Variants in MAP4 observed in about 807,000 individuals in gnomAD.
MAP4 encodes microtubule associated protein 4.
MAP4 carries 76 observed loss-of-function variants against 170.2 expected under a neutral mutation model. The observed-to-expected ratio is 0.45, with a 90% confidence interval of 0.37 to 0.54. The LOEUF is 0.54. Ranked by LOEUF, MAP4 falls within the 20% of genes least tolerant of loss-of-function variation. The pLI is 0.00. For missense variants in MAP4, 2,506 were observed against 2,748.0 expected (o/e 0.91, Z 1.97); for synonymous variants, 909 against 994.5 (o/e 0.91, Z 1.62).
intron 3 of MAP4, chr3:47,974,277 T>C: frequency 3.0e-6 from 1 of 334,638 alleles, no homozygotes; most frequent in Non-Finnish European, 4.2e-6. Context: ...AATACAAAAA[T>C]TAGCTGGTGT....
At chr3:47,921,224 A>G (rs1489687163) in intron 5 of MAP4, among the ~76,000 whole-genome samples, 1 of 152,194 alleles carries the variant, frequency 6.6e-6, no homozygotes, top group Non-Finnish European at 1.5e-5. Flanking sequence ...GAGCCTTGTC[A>G]CACCCACAGC....
At chr3:47,866,405 A>T (rs2080216802) in intron 17 of MAP4, among the ~76,000 whole-genome samples, 1 of 151,790 alleles carries the variant, frequency 6.6e-6, no homozygotes, top group African/African-American at 2.4e-5. Context: ...CTAAAAAAGG[A>T]GGGGAAGAAA....
chr3:47,995,250 C>CTTTTTT (rs67017707), intron 2 of MAP4, among the ~76,000 whole-genome samples: 12 of 112,230 alleles, frequency 1.1e-4, no homozygotes, highest in African/African-American at 2.9e-4. Flanking sequence ...TTTTTCTTTT[C>CTTTTTT]TTTTTTTTTT....
At chr3:47,994,293 T>C (rs917303467) in intron 2 of MAP4, among the ~76,000 whole-genome samples, 9 of 152,176 alleles carry the variant, frequency 5.9e-5, no homozygotes, top group African/African-American at 1.9e-4. Flanking sequence ...TAATGCACGG[T>C]GGAGACATTT....
chr3:47,943,782 T>C (rs1020670131), intron 3 of MAP4, among the ~76,000 whole-genome samples: 1 of 152,100 alleles, frequency 6.6e-6, no homozygotes, highest in Admixed American at 6.6e-5. Flanking sequence ...AACTTTAAGA[T>C]CACATAGCAC....
chr3:47,928,115 G>A, intron 4 of MAP4, 113 bp downstream of exon 4: 1 of 1,284,250 alleles, frequency 7.8e-7, no homozygotes, highest in South Asian at 1.4e-5. Flanking sequence ...TGCTAAGGTT[G>A]TACTTTGTGA....
At chr3:47,879,589 G>A (rs373000936) in intron 10 of MAP4, among the ~76,000 whole-genome samples, 3 of 152,136 alleles carry the variant, frequency 2.0e-5, no homozygotes, top group Non-Finnish European at 4.4e-5. Flanking sequence ...AGCCTACTCA[G>A]ATTTTTCACT....
chr3:47,996,843 T>C (rs780280484), intron 2 of MAP4, among the ~76,000 whole-genome samples: 1 of 151,922 alleles, frequency 6.6e-6, no homozygotes, highest in Non-Finnish European at 1.5e-5. Context: ...CTATGATTAA[T>C]ATGTTAAAGT....
intron 2 of MAP4, among the ~76,000 whole-genome samples, chr3:47,991,205 T>C (rs559605499): frequency 2.0e-5 from 3 of 152,250 alleles, no homozygotes; most frequent in Non-Finnish European, 4.4e-5. Flanking sequence ...TCTCATTTTA[T>C]AAGTTGAAGA....
rs1443793597 is a variant in MAP4, at chr3:47,891,825, T to G, written c.5434+11125A>C. 3.9e-6 allele frequency: 6 copies of G among 1,536,204 alleles called. No homozygotes were observed. The Admixed American group carries it at 7.8e-5, about 20-fold the overall frequency. The stretch of plus-strand genomic sequence containing the variant: ...GACTCACACTTCAGCTGCTCAGAGT[T>G]ATCATTTACCACCCCAATCACTGGG... On this transcript the variant is annotated intron_variant, in intron 10 of 20. Coordinates refer to ENST00000683076, the MANE Select transcript of MAP4 (RefSeq NM_001385682.1).
chr3:47,910,469 G>A lies in MAP4; in HGVS notation c.3952C>T (p.Pro1318Ser). 6.5e-7 allele frequency: 1 copy of A among 1,536,062 alleles called. No homozygotes were observed. The highest frequency in any genetic ancestry group is 1.2e-5 in the South Asian group (1 of 84,048). The change falls in exon 9 of 21, where the codon CCT (proline) becomes TCT (serine). Residue 1318 changes from proline to serine, a missense_variant. Coordinates refer to ENST00000683076, the MANE Select transcript of MAP4 (RefSeq NM_001385682.1). ...TVKASTVTEP[P>S]AKVTDVSCQE... ...CAGCTCACATCTGTCACCTTGGCAG[G>A]TGGTTCAGTAACAGTAGAAGCCTTG...
rs2100035467 is a variant in MAP4, at chr3:47,910,564, C to T, written c.3857G>A (p.Arg1286Lys). Residue 1286 changes from arginine to lysine, a missense_variant, in exon 9 of 21, where the codon AGG becomes AAG. This residue lies in a region of MAP4 where 2,008 missense variants were observed against 2,206.0 expected (regional missense o/e 0.91). Transcript: ENST00000683076. ...PDTPTVEAVD[R>K]KGGNFQVNFV... is the part of the protein sequence containing the mutation. ...ATTAACCTGAAAATTTCCACCCTTC[C>T]TGTCAACTGCTTCCACTGTGGGTGT... 1 of 1,535,980 alleles carries T rather than the reference C, an allele frequency of 6.5e-7. No individual in the cohort carries two copies.
chr3:48,068,264 CAAAAAA>C (rs34691079), intron 1 of MAP4, among the ~76,000 whole-genome samples: 11 of 106,702 alleles, frequency 1.0e-4, no homozygotes, highest in East Asian at 2.7e-4. Context: ...GATTCTGTCT[CAAAAAA>C]AAAAAAAAAA....
In MAP4 at chr3:47,870,846, C is replaced by CG; in HGVS notation, c.6260dup (p.Glu2088GlyfsTer28). The CG allele has an allele frequency of 6.3e-7, 1 of 1,588,626 alleles. No homozygotes were observed. The highest frequency in any genetic ancestry group is 8.6e-7 in the Non-Finnish European group (1 of 1,165,186). ...CTCCAGGCTGATGCTTGATGTTTTC[C>CG]GTGGAGCCAACCTTGGAGCGGACAT... On this transcript the variant is annotated frameshift_variant, in exon 15 of 21. Coordinates refer to ENST00000683076, the MANE Select transcript of MAP4 (RefSeq NM_001385682.1). LOFTEE classifies it high-confidence loss of function.
intron 12 of MAP4, 53 bp from the exon 13 acceptor site, chr3:47,872,153 A>T: frequency 3.4e-6 from 5 of 1,452,648 alleles, no homozygotes; most frequent in Non-Finnish European, 4.7e-6. Context: ...AGCCCCAAGG[A>T]GTCACGCTAC....
chr3:48,049,281 A>G (rs576155867), intron 1 of MAP4, among the ~76,000 whole-genome samples: 197 of 152,350 alleles, frequency 1.3e-3, no homozygotes, highest in Non-Finnish European at 1.9e-3. Flanking sequence ...TTTGGAGTAA[A>G]TAACCAAAGG....
intron 11 of MAP4, among the ~76,000 whole-genome samples, chr3:47,876,509 C>T (rs1018339113): frequency 6.6e-6 from 1 of 152,158 alleles, no homozygotes; most frequent in Non-Finnish European, 1.5e-5. Context: ...AAACAATTAA[C>T]TCTTAATAAT....
intron 10 of MAP4, chr3:47,891,215 T>C: frequency 2.0e-6 from 3 of 1,536,248 alleles, no homozygotes; most frequent in Non-Finnish European, 2.6e-6. Context: ...TTCAGGAATC[T>C]GCTCCAGCTT....
chr3:47,987,221 C>G (rs1195194183), intron 2 of MAP4, among the ~76,000 whole-genome samples: 3 of 152,204 alleles, frequency 2.0e-5, no homozygotes, highest in African/African-American at 7.2e-5. Flanking sequence ...CTGTGCCATC[C>G]TGCTTTCGCT....
Sources: gnomAD v4.1 joint callset for allele counts (sites outside exome capture counted in the v4.1 genomes callset) on GRCh38, gnomAD v4.1.1 for gene constraint, gnomAD v4.1.1 regional missense constraint, MANE v1.5 for transcripts, NCBI Gene and HGNC (gene_info 2026-07-23, HGNC 2026-07-21) for gene names.